Variants in CDK17 observed in about 807,000 individuals in gnomAD.
CDK17 encodes cyclin-dependent kinase 17.
CDK17 carries 24 observed loss-of-function variants against 77.6 expected under a neutral mutation model. The ratio of observed to expected loss-of-function variants is 0.31; its 90% CI spans 0.22 to 0.44. CDK17 has a LOEUF of 0.44. Ranked by LOEUF, CDK17 falls within the 20% of genes least tolerant of loss-of-function variation. CDK17 has a pLI of 1.00. For synonymous variants in CDK17, 203 were observed against 210.4 expected, an observed-to-expected ratio of 0.96 and a Z score of 0.30; for missense variants, 429 against 622.5, an observed-to-expected ratio of 0.69 and a Z score of 3.31.
rs868318492 is a variant in CDK17 at position 96,320,208 on chromosome 12, T to C, written c.283+3740A>G. 4.4e-3 allele frequency among the ~76,000 whole-genome samples: 667 copies of C among 150,462 alleles called. 4 individuals are homozygous for C. Among genetic ancestry groups the C allele is most frequent in the Middle Eastern group, 0.024 (7 of 292 alleles). ...ATCATGAGTGAACTCCCATTCACAA[T>C]TGCTTCAAAGAGAATAAAATACCTA... On this transcript the variant is annotated intron_variant, in intron 3 of 16. Coordinates refer to ENST00000261211, the MANE Select transcript of CDK17 (RefSeq NM_002595.5).
chr12:96,382,783 G>GA (rs1401192480), intron 1 of CDK17, among the ~76,000 whole-genome samples: 1 of 152,086 alleles, frequency 6.6e-6, no homozygotes, highest in Non-Finnish European at 1.5e-5. Context: ...AACAGACAGA[G>GA]AAAAAGCTTT....
chr12:96,400,115 G>T lies in CDK17; in HGVS notation c.-159C>A. ...CGGCCGGCAGACGTGAGGCGCTTCCGAGCGCAGGCCTCCGCCGCCACAGCC... is the reference window on the plus strand; with the variant it reads ...CGGCCGGCAGACGTGAGGCGCTTCCTAGCGCAGGCCTCCGCCGCCACAGCC... On this transcript the variant is annotated 5_prime_UTR_variant, in exon 1 of 17. Transcript: ENST00000261211. 2.5e-6 allele frequency: 1 copy of T among 392,862 alleles called. No individual in the cohort carries two copies. The highest frequency in any genetic ancestry group is 1.3e-4 in the South Asian group (1 of 7,686). The allele number at this position is 392,862 out of a possible 1,614,324, so 24.3% of individuals were successfully genotyped here. A position where few individuals can be genotyped will look rare whatever the true frequency, so the allele number is the denominator to read the frequency against.
chr12:96,377,337 T>C (rs1953794796), intron 1 of CDK17, among the ~76,000 whole-genome samples: 1 of 152,044 alleles, frequency 6.6e-6, no homozygotes, highest in South Asian at 2.1e-4. Context: ...AAAAACATAA[T>C]CTAAAATATA....
At chr12:96,366,818 C>G (rs571316210) in intron 1 of CDK17, among the ~76,000 whole-genome samples, 1 of 152,304 alleles carries the variant, frequency 6.6e-6, no homozygotes, top group East Asian at 1.9e-4. Context: ...TCCTAAATAT[C>G]TGGATCTTTT....
Position 96,324,001 on chromosome 12 carries a change from A to G in CDK17, c.230T>C (p.Ile77Thr), listed in dbSNP as rs570689172. 3 of 1,609,474 alleles carry G rather than the reference A, an allele frequency of 1.9e-6. No homozygotes were observed. The highest frequency in any genetic ancestry group is 1.1e-5 in the South Asian group (1 of 89,574). The change falls in exon 3 of 17, where the codon ATT becomes ACT. Residue 77 changes from isoleucine (I) to threonine (T), a missense_variant. Physicochemically the swap from Ile to Thr is moderately conservative, Grantham distance 89 (BLOSUM62 -1). Transcript: ENST00000261211. ...KPPLRRPHSV[I>T]GGSLGSFMAM... is the part of the protein sequence containing the mutation. ...CATGAAGGAGCCAAGGCTCCCTCCAATAACACTGTGTGGTCTCCGCAATGG... is the reference window on the plus strand; with the variant it reads ...CATGAAGGAGCCAAGGCTCCCTCCAGTAACACTGTGTGGTCTCCGCAATGG...
chr12:96,357,081 G>A (rs1403088567), intron 1 of CDK17, among the ~76,000 whole-genome samples: 2 of 152,106 alleles, frequency 1.3e-5, no homozygotes, highest in Non-Finnish European at 2.9e-5. Flanking sequence ...ACTCAGAATA[G>A]AACCAAGAGA....
At chr12:96,354,563 A>G (rs1243023500) in intron 1 of CDK17, among the ~76,000 whole-genome samples, 1 of 152,116 alleles carries the variant, frequency 6.6e-6, no homozygotes, top group African/African-American at 2.4e-5. Context: ...CAGCCTCATC[A>G]TCTCTTTGCT....
At chr12:96,314,917 T>G (rs558355375) in intron 3 of CDK17, among the ~76,000 whole-genome samples, 1 of 152,228 alleles carries the variant, frequency 6.6e-6, no homozygotes. Flanking sequence ...TCAGACACAG[T>G]TGACTACTGT....
At chr12:96,391,086 C>CAA (rs72094136) in intron 1 of CDK17, among the ~76,000 whole-genome samples, 50 of 142,818 alleles carry the variant, frequency 3.5e-4, no homozygotes, top group South Asian at 2.5e-3. Flanking sequence ...GACTCCATCT[C>CAA]AAAAAAAAAA....
At chr12:96,309,163 T>C (rs1314131855) in intron 5 of CDK17, among the ~76,000 whole-genome samples, 7 of 152,342 alleles carry the variant, frequency 4.6e-5, no homozygotes, top group African/African-American at 1.4e-4. Context: ...ATAGCTTTTA[T>C]ATTATTCCAT....
intron 3 of CDK17, among the ~76,000 whole-genome samples, chr12:96,317,618 G>A (rs1952750321): frequency 7.9e-6 from 1 of 126,802 alleles, no homozygotes; most frequent in Non-Finnish European, 1.7e-5. Context: ...AACCCTACAA[G>A]CCAGAAGAGA....
chr12:96,300,198 C>A, intron 6 of CDK17, 106 bp downstream of exon 6: 1 of 760,652 alleles, frequency 1.3e-6, no homozygotes, highest in Admixed American at 2.2e-5. Flanking sequence ...ATCTTGTAGA[C>A]ATCAGTACTT....
intron 1 of CDK17, among the ~76,000 whole-genome samples, chr12:96,354,719 GA>G (rs925886062): frequency 3.3e-5 from 5 of 151,572 alleles, no homozygotes; most frequent in African/African-American, 1.2e-4. Flanking sequence ...CTCCTCTTAG[GA>G]AAAAAAATTA....
At chr12:96,320,583 C>A (rs1384864083) in intron 3 of CDK17, among the ~76,000 whole-genome samples, 6 of 150,576 alleles carry the variant, frequency 4.0e-5, no homozygotes, top group Admixed American at 6.6e-5. Context: ...GTAACCAAAA[C>A]AGCATGGTAC....
intron 1 of CDK17, among the ~76,000 whole-genome samples, chr12:96,345,893 G>GA (rs1456661006): frequency 6.6e-6 from 1 of 152,144 alleles, no homozygotes; most frequent in Non-Finnish European, 1.5e-5. Context: ...AAACAAATAA[G>GA]ACATACAGAA....
intron 10 of CDK17, among the ~76,000 whole-genome samples, chr12:96,291,792 T>G (rs1358986008): frequency 6.6e-6 from 1 of 152,122 alleles, no homozygotes; most frequent in East Asian, 1.9e-4. Flanking sequence ...CTAACTTTTC[T>G]ATTTTGAGTA....
At chr12:96,383,349 C>T (rs144065220) in intron 1 of CDK17, among the ~76,000 whole-genome samples, 32 of 147,826 alleles carry the variant, frequency 2.2e-4, no homozygotes, top group Middle Eastern at 3.4e-3. Context: ...AAGCAATATA[C>T]GGATTCAATG....
chr12:96,315,498 T>C (rs903896874), intron 3 of CDK17, among the ~76,000 whole-genome samples: 1 of 152,210 alleles, frequency 6.6e-6, no homozygotes, highest in Admixed American at 6.5e-5. Context: ...TGGTGATTGA[T>C]TCCTAACCTC....
At chr12:96,378,052 A>AAGT (rs1953815950) in intron 1 of CDK17, among the ~76,000 whole-genome samples, 1 of 152,192 alleles carries the variant, frequency 6.6e-6, no homozygotes, top group Non-Finnish European at 1.5e-5. Context: ...GAAAAATAGT[A>AAGT]AAGAGTTCCC....
Sources: allele counts gnomAD v4.1 joint callset (sites outside exome capture counted in the v4.1 genomes callset), GRCh38; gene constraint gnomAD v4.1.1; transcripts MANE v1.5; gene names NCBI Gene and HGNC (gene_info 2026-07-23, HGNC 2026-07-21).